Variants in FGF12 observed in about 807,000 individuals in gnomAD.
The protein encoded by FGF12 is fibroblast growth factor 12, also known as fibroblast growth factor 12B.
Under a neutral mutation model 23.6 loss-of-function variants are expected in FGF12, and 14 were observed. That is an observed-to-expected ratio of 0.59 (90% CI 0.39 to 0.93). The LOEUF is 0.93. Among genes scored for constraint, FGF12 ranks in the 40% least tolerant of loss-of-function variants. FGF12 has a pLI of 0.00. For synonymous variants in FGF12, 62 were observed against 77.3 expected (o/e 0.80, Z 1.04); for missense variants, 175 against 217.8 (o/e 0.80, Z 1.24).
intron 4 of FGF12, among the ~76,000 whole-genome samples, chr3:192,272,995 A>G (rs1351149398): frequency 6.6e-6 from 1 of 152,202 alleles, no homozygotes; most frequent in Admixed American, 6.5e-5. Context: ...AAATTTTTAG[A>G]ATCAGTTTTG....
chr3:192,161,649 C>T (rs1050973255), intron 5 of FGF12, among the ~76,000 whole-genome samples: 1 of 152,092 alleles, frequency 6.6e-6, no homozygotes, highest in African/African-American at 2.4e-5. Flanking sequence ...CTAGAAATGA[C>T]ATCTTTCTCG....
intron 2 of FGF12, among the ~76,000 whole-genome samples, chr3:192,602,873 G>T (rs1714173893): frequency 6.6e-6 from 1 of 152,040 alleles, no homozygotes; most frequent in South Asian, 2.1e-4. Flanking sequence ...AGGAGGCAAC[G>T]TTGGTTCAAC....
chr3:192,504,195 G>T (rs949893363), intron 2 of FGF12, among the ~76,000 whole-genome samples: 1 of 152,094 alleles, frequency 6.6e-6, no homozygotes, highest in Non-Finnish European at 1.5e-5. Context: ...CTTGAGAGTG[G>T]AGGGTGTGGG....
At chr3:192,348,438 T>C (rs1440316318) in intron 3 of FGF12, among the ~76,000 whole-genome samples, 4 of 152,182 alleles carry the variant, frequency 2.6e-5, no homozygotes, top group Admixed American at 2.0e-4. Context: ...TTAAAATCTT[T>C]AAAATTATTG....
At chr3:192,412,096 G>A (rs933164887) in intron 2 of FGF12, among the ~76,000 whole-genome samples, 2 of 152,132 alleles carry the variant, frequency 1.3e-5, no homozygotes, top group African/African-American at 2.4e-5. Context: ...AATTTCTCCA[G>A]GTGTCAAAGT....
intron 2 of FGF12, among the ~76,000 whole-genome samples, chr3:192,380,521 A>G (rs961459272): frequency 3.3e-5 from 5 of 152,172 alleles, no homozygotes; most frequent in African/African-American, 4.8e-5. Flanking sequence ...AGAAAAAATA[A>G]TCTAACTATA....
At chr3:192,470,338 T>C (rs867004546) in intron 2 of FGF12, among the ~76,000 whole-genome samples, 15 of 152,246 alleles carry the variant, frequency 9.9e-5, no homozygotes, top group African/African-American at 3.4e-4. Flanking sequence ...AATCCAACAT[T>C]GGCTCTATTA....
chr3:192,193,701 A>G (rs959979880), intron 4 of FGF12, among the ~76,000 whole-genome samples: 1 of 152,008 alleles, frequency 6.6e-6, no homozygotes, highest in African/African-American at 2.4e-5. Flanking sequence ...CTCTATACCT[A>G]TCTTGGAATG....
At chr3:192,548,280 A>C (rs1725545015) in intron 2 of FGF12, among the ~76,000 whole-genome samples, 1 of 152,158 alleles carries the variant, frequency 6.6e-6, no homozygotes, top group African/African-American at 2.4e-5. Flanking sequence ...TTAATTCCCG[A>C]AGCATTGATA....
intron 4 of FGF12, among the ~76,000 whole-genome samples, chr3:192,228,883 C>T (rs186759928): frequency 3.9e-5 from 6 of 152,048 alleles, no homozygotes; most frequent in Non-Finnish European, 8.8e-5. Context: ...CTAGACACTA[C>T]GAGAGCCAAT....
At chr3:192,488,162 T>A (rs552249526) in intron 2 of FGF12, among the ~76,000 whole-genome samples, 15 of 152,148 alleles carry the variant, frequency 9.9e-5, no homozygotes, top group Non-Finnish European at 1.8e-4. Context: ...GAATCTATAA[T>A]ATCCCTCAGA....
At chr3:192,630,542 T>TA (rs1280932915) in intron 2 of FGF12, among the ~76,000 whole-genome samples, 1 of 131,148 alleles carries the variant, frequency 7.6e-6, no homozygotes, top group African/African-American at 2.9e-5. Context: ...ATTGTTGCTA[T>TA]AAAAAAATTC....
chr3:192,544,734 C>T (rs1388658558), intron 2 of FGF12, among the ~76,000 whole-genome samples: 1 of 151,998 alleles, frequency 6.6e-6, no homozygotes, highest in African/African-American at 2.4e-5. Context: ...AAGCACTATA[C>T]TGTAGGTTTT....
chr3:192,716,759 C>A (rs1233978493), intron 2 of FGF12, among the ~76,000 whole-genome samples: 10 of 152,142 alleles, frequency 6.6e-5, no homozygotes, highest in African/African-American at 2.4e-4. Flanking sequence ...TCTCATTAAC[C>A]TAGAAAGAGC....
intron 2 of FGF12, among the ~76,000 whole-genome samples, chr3:192,626,639 G>A (rs140133459): frequency 7.9e-5 from 12 of 152,210 alleles, no homozygotes; most frequent in African/African-American, 1.9e-4. Context: ...TAGAGAATGG[G>A]CCTTGCTCTG....
chr3:192,578,631 G>A (rs1713010870), intron 2 of FGF12, among the ~76,000 whole-genome samples: 1 of 151,740 alleles, frequency 6.6e-6, no homozygotes, highest in African/African-American at 2.4e-5. Context: ...CCAAGTAATA[G>A]ATATTCTTCT....
intron 2 of FGF12, among the ~76,000 whole-genome samples, chr3:192,504,043 A>G (rs1724216176): frequency 6.6e-6 from 1 of 152,114 alleles, no homozygotes; most frequent in Admixed American, 6.6e-5. Flanking sequence ...TTGCAGCAAC[A>G]TGGATAGATC....
At chr3:192,236,327 ACATTCTGTTGT>A (rs1386934375) in intron 4 of FGF12, among the ~76,000 whole-genome samples, 1 of 152,146 alleles carries the variant, frequency 6.6e-6, no homozygotes, top group Admixed American at 6.5e-5. Flanking sequence ...AGAATAATGT[ACATTCTGTTGT>A]TGTTAGATAC....
chr3:192,559,928 A>C (rs1346190663), intron 2 of FGF12, among the ~76,000 whole-genome samples: 1 of 152,160 alleles, frequency 6.6e-6, no homozygotes, highest in Non-Finnish European at 1.5e-5. Flanking sequence ...CACTACTGCA[A>C]CAATTGCAGA....
Sources: allele counts gnomAD v4.1 joint callset (sites outside exome capture counted in the v4.1 genomes callset), GRCh38; gene constraint gnomAD v4.1.1; transcripts MANE v1.5; gene names NCBI Gene and HGNC (gene_info 2026-07-23, HGNC 2026-07-21).